The following NIBAN2 variants were observed in gnomAD, a reference collection of about 807,000 sequenced individuals.
NIBAN2 encodes the protein niban apoptosis regulator 2, also known as protein Niban 2.
NIBAN2 carries 36 observed loss-of-function variants against 81.8 expected under a neutral mutation model. The observed-to-expected ratio is 0.44, with a 90% confidence interval of 0.34 to 0.58. The LOEUF (loss-of-function observed/expected upper bound fraction) is 0.58. Among genes scored for constraint, NIBAN2 ranks in the 20% least tolerant of loss-of-function variants. The pLI, the probability that NIBAN2 is intolerant of heterozygous loss-of-function variation, is 0.02. For missense variants in NIBAN2, 897 were observed against 1,014.1 expected, an observed-to-expected ratio of 0.88 and a Z score of 1.57; for synonymous variants, 445 against 441.6, an observed-to-expected ratio of 1.01 and a Z score of -0.10.
At chr9:127,511,018 T>A (rs998550545) in intron 8 of NIBAN2, among the ~76,000 whole-genome samples, 1 of 152,056 alleles carries the variant, frequency 6.6e-6, no homozygotes, top group African/African-American at 2.4e-5. Context: ...TTCAGCCCTC[T>A]CCCAACTCTC....
intron 1 of NIBAN2, chr9:127,561,379 G>T: frequency 1.4e-6 from 1 of 711,436 alleles, no homozygotes; most frequent in Non-Finnish European, 1.7e-6. Context: ...TGTCAAGTTA[G>T]CTCAATAAAG....
At chr9:127,549,405 A>G (rs1837534184) in intron 1 of NIBAN2, among the ~76,000 whole-genome samples, 2 of 151,022 alleles carry the variant, frequency 1.3e-5, no homozygotes, top group South Asian at 2.1e-4. Flanking sequence ...ACACACTCAC[A>G]TGCACGCCCA....
At chr9:127,557,959 C>G (rs1174051426) in intron 1 of NIBAN2, among the ~76,000 whole-genome samples, 1 of 152,174 alleles carries the variant, frequency 6.6e-6, no homozygotes, top group East Asian at 1.9e-4. Flanking sequence ...ACACAGTGAG[C>G]TGTGACTGTC....
At chr9:127,520,265 G>C (rs1836912773) in intron 5 of NIBAN2, among the ~76,000 whole-genome samples, 1 of 130,384 alleles carries the variant, frequency 7.7e-6, no homozygotes. Flanking sequence ...TCTGAGAAGA[G>C]TCTTACTCTG....
intron 1 of NIBAN2, 41 bp downstream of exon 1, chr9:127,568,779 C>T: frequency 2.4e-6 from 3 of 1,262,896 alleles, no homozygotes; most frequent in Non-Finnish European, 2.0e-6. Context: ...CCGGGGGTTC[C>T]GGCAGGCCCC....
chr9:127,538,216 A>C (rs1349184436), intron 1 of NIBAN2, among the ~76,000 whole-genome samples: 3 of 152,130 alleles, frequency 2.0e-5, no homozygotes, highest in Non-Finnish European at 4.4e-5. Context: ...CAAGGGCTGC[A>C]TCCTATCGGG....
chr9:127,513,913 T>C (rs892175181), intron 8 of NIBAN2, among the ~76,000 whole-genome samples: 2 of 152,214 alleles, frequency 1.3e-5, no homozygotes, highest in African/African-American at 4.8e-5. Flanking sequence ...TAAGCCCTAG[T>C]ATTTGATAGC....
intron 4 of NIBAN2, among the ~76,000 whole-genome samples, chr9:127,524,455 G>A (rs1168313880): frequency 2.0e-5 from 3 of 152,212 alleles, no homozygotes; most frequent in Non-Finnish European, 2.9e-5. Flanking sequence ...ACAACACCCC[G>A]AGGGCAGTCC....
intron 1 of NIBAN2, among the ~76,000 whole-genome samples, chr9:127,551,861 C>A (rs1453836400): frequency 1.3e-5 from 2 of 152,198 alleles, no homozygotes; most frequent in Non-Finnish European, 2.9e-5. Context: ...CTACTCTGGG[C>A]CTCTGCAGAC....
chr9:127,526,377 C>A (rs569435569), intron 3 of NIBAN2, among the ~76,000 whole-genome samples: 2 of 129,578 alleles, frequency 1.5e-5, no homozygotes, highest in Non-Finnish European at 3.1e-5. Flanking sequence ...TCCAGCCTGG[C>A]GACAGAGCTA....
At chr9:127,542,662 C>A (rs753670186) in intron 1 of NIBAN2, among the ~76,000 whole-genome samples, 13 of 152,236 alleles carry the variant, frequency 8.5e-5, no homozygotes, top group East Asian at 5.8e-4. Context: ...CATTTCCCCC[C>A]CTGCTGGCCT....
At chr9:127,573,926 G>A (rs189500688), upstream of NIBAN2, among the ~76,000 whole-genome samples, 29 of 152,266 alleles carry the variant, frequency 1.9e-4, no homozygotes, top group Admixed American at 1.7e-3. Flanking sequence ...TCAAAGTGCT[G>A]GGATTACAGG....
chr9:127,547,979 C>T (rs1837504780), intron 1 of NIBAN2, among the ~76,000 whole-genome samples: 1 of 152,220 alleles, frequency 6.6e-6, no homozygotes, highest in Non-Finnish European at 1.5e-5. Context: ...GTGATGGAAC[C>T]TCTCGAAGGA....
chr9:127,552,315 G>A (rs1837590810), intron 1 of NIBAN2, among the ~76,000 whole-genome samples: 15 of 152,244 alleles, frequency 9.9e-5, no homozygotes, highest in Admixed American at 9.8e-4. Context: ...GCTCATGCCT[G>A]TAATCGCAGC....
chr9:127,531,616 G>A, intron 2 of NIBAN2, 32 bp downstream of exon 2: 1 of 1,605,456 alleles, frequency 6.2e-7, no homozygotes, highest in Non-Finnish European at 8.5e-7. Context: ...AGAAGTAGCA[G>A]AACATACCCG....
At chr9:127,551,335 C>G (rs1837571569) in intron 1 of NIBAN2, among the ~76,000 whole-genome samples, 1 of 152,056 alleles carries the variant, frequency 6.6e-6, no homozygotes, top group Admixed American at 6.6e-5. Context: ...CCGGCCTGGG[C>G]AACACGGTGA....
chr9:127,567,696 G>A (rs897585465), intron 1 of NIBAN2, among the ~76,000 whole-genome samples: 3 of 152,200 alleles, frequency 2.0e-5, no homozygotes, highest in East Asian at 1.9e-4. Context: ...AAGTGCAGGC[G>A]GACGCGGTGC....
At chr9:127,538,817 C>T (rs566636902) in intron 1 of NIBAN2, among the ~76,000 whole-genome samples, 42 of 150,790 alleles carry the variant, frequency 2.8e-4, no homozygotes, top group African/African-American at 7.1e-4. Flanking sequence ...TGGTGGTGGG[C>T]GCCTGTAATC....
At chr9:127,550,894 A>G (rs7035401) in intron 1 of NIBAN2, among the ~76,000 whole-genome samples, 26,882 of 152,116 alleles carry the variant, frequency 0.18, 2,582 homozygotes, top group African/African-American at 0.24. Context: ...CAAGTGATCC[A>G]GCACCTGCAA....
Sources: gnomAD v4.1 joint callset for allele counts (sites outside exome capture counted in the v4.1 genomes callset) on GRCh38, gnomAD v4.1.1 for gene constraint, MANE v1.5 for transcripts, NCBI Gene and HGNC (gene_info 2026-07-23, HGNC 2026-07-21) for gene names.